Variants in CYP4X1 observed in about 807,000 individuals in gnomAD.
The protein encoded by CYP4X1 is cytochrome P450 family 4 subfamily X member 1, also known as cytochrome P450 4X1.
CYP4X1 carries 44 observed loss-of-function variants against 57.9 expected under a neutral mutation model. The ratio of observed to expected loss-of-function variants is 0.76; its 90% CI spans 0.60 to 0.98. The LOEUF (loss-of-function observed/expected upper bound fraction) is 0.98. CYP4X1 is among the 50% of genes least tolerant of loss of function. The pLI is 0.00. For missense variants in CYP4X1, 532 were observed against 623.9 expected (o/e 0.85, Z 1.57); for synonymous variants, 227 against 228.6 (o/e 0.99, Z 0.06).
At chr1:47,033,777 G>A (rs759485532) in intron 4 of CYP4X1, among the ~76,000 whole-genome samples, 3 of 152,126 alleles carry the variant, frequency 2.0e-5, no homozygotes, top group Non-Finnish European at 4.4e-5. Flanking sequence ...CAAAAACCAT[G>A]GCTGTTTCAC....
At chr1:47,048,506 A>C in intron 9 of CYP4X1, 59 bp from the exon 10 acceptor site, 2 of 1,575,510 alleles carry the variant, frequency 1.3e-6, no homozygotes, top group South Asian at 2.2e-5. Flanking sequence ...GTTTAAGAGC[A>C]CAGTAGCCCA....
At chr1:47,038,850 C>T in intron 7 of CYP4X1, 84 bp downstream of exon 7, 1 of 1,058,278 alleles carries the variant, frequency 9.4e-7, no homozygotes, top group Non-Finnish European at 1.4e-6. Context: ...GATGGGGAGA[C>T]AAGAATAAAA....
At chr1:46,966,965 G>A in the CYP4X1 span, among the ~76,000 whole-genome samples, 1 of 152,204 alleles carries the variant, frequency 6.6e-6, no homozygotes, top group Admixed American at 6.5e-5. Flanking sequence ...CTAAGGGGAT[G>A]TGTATAGATG....
At chr1:46,970,535 G>T in the CYP4X1 span, among the ~76,000 whole-genome samples, 2 of 152,126 alleles carry the variant, frequency 1.3e-5, no homozygotes, top group African/African-American at 2.4e-5. Flanking sequence ...TTACAATATT[G>T]AGTCTATGTT....
At chr1:46,994,003 C>A in the CYP4X1 span, among the ~76,000 whole-genome samples, 1 of 152,164 alleles carries the variant, frequency 6.6e-6, no homozygotes, top group Non-Finnish European at 1.5e-5. Context: ...GAAGTCCTTG[C>A]CCATGCCTAT....
chr1:46,970,482 C>A, the CYP4X1 span, among the ~76,000 whole-genome samples: 6 of 152,206 alleles, frequency 3.9e-5, no homozygotes, highest in Admixed American at 3.9e-4. Context: ...TTCCCTACTC[C>A]CATTACCATA....
the CYP4X1 span, among the ~76,000 whole-genome samples, chr1:46,964,758 T>C: frequency 1.3e-5 from 2 of 152,200 alleles, no homozygotes; most frequent in Admixed American, 1.3e-4. Context: ...CACTACTCTC[T>C]TCAAAGATGC....
intron 1 of CYP4X1, among the ~76,000 whole-genome samples, chr1:47,026,720 T>C (rs903695634): frequency 6.7e-6 from 1 of 148,856 alleles, no homozygotes; most frequent in African/African-American, 2.5e-5. Flanking sequence ...TTTTTTGTTG[T>C]TTTTTTTTGT....
intron 6 of CYP4X1, among the ~76,000 whole-genome samples, chr1:47,038,120 G>C (rs749794331): frequency 6.6e-6 from 1 of 152,068 alleles, no homozygotes; most frequent in Non-Finnish European, 1.5e-5. Context: ...AAAAGTTTTA[G>C]GTTTGCAGAA....
Position 47,023,797 on chromosome 1 carries a change from C to T in CYP4X1, c.-21C>T. ...CTCCCGCGCCCCAGGAAACCGCCGG[C>T]GTTCGGCGCTGCGCAGAGCCATGGA... On this transcript the variant is annotated 5_prime_UTR_variant, in exon 1 of 12. Transcript: ENST00000371901. The T allele has an allele frequency of 6.2e-7, 1 of 1,600,488 alleles. No homozygotes were observed. Among genetic ancestry groups the T allele is most frequent in the Non-Finnish European group, 8.5e-7 (1 of 1,171,754 alleles).
At chr1:47,025,612 T>C (rs1393754927) in intron 1 of CYP4X1, among the ~76,000 whole-genome samples, 1 of 152,208 alleles carries the variant, frequency 6.6e-6, no homozygotes, top group Non-Finnish European at 1.5e-5. Context: ...TTTTATTTCT[T>C]TTCTCATAGA....
chr1:47,030,812 C>G (rs187719075), intron 2 of CYP4X1, among the ~76,000 whole-genome samples: 1 of 152,162 alleles, frequency 6.6e-6, no homozygotes, highest in Non-Finnish European at 1.5e-5. Flanking sequence ...AAAGAAAGAG[C>G]CTTGCCCTGA....
the CYP4X1 span, among the ~76,000 whole-genome samples, chr1:46,973,484 A>T: frequency 5.1e-4 from 77 of 152,170 alleles, no homozygotes; most frequent in East Asian, 0.012. Flanking sequence ...TATTTTTTGG[A>T]ATAGCTTCAA....
In CYP4X1 at chr1:47,033,303, G is replaced by T. The variant is rs1311179643; in HGVS notation, c.427G>T (p.Gly143Ter). The T allele has an allele frequency of 6.2e-7, 1 of 1,613,750 alleles. No individual in the cohort carries two copies. Among genetic ancestry groups the T allele is most frequent in the Admixed American group, 1.7e-5 (1 of 59,966 alleles). Residue 143 changes from glycine (G) to a stop codon, truncating the protein, a stop_gained, in exon 4 of 12, where the codon GGA becomes TGA. Coordinates refer to ENST00000371901, the MANE Select transcript of CYP4X1 (RefSeq NM_178033.2). LOFTEE classifies it high-confidence loss of function. ...WFQHRRLLTP[G>*]FHFNILKAYI... Reference sequence around the variant, plus strand: ...CCAGCATCGTCGCCTACTAACTCCTGGATTCCATTTTAACATCCTGAAAGC... The same window carrying T: ...CCAGCATCGTCGCCTACTAACTCCTTGATTCCATTTTAACATCCTGAAAGC...
At chr1:47,030,371 C>T (rs907207450) in intron 2 of CYP4X1, among the ~76,000 whole-genome samples, 2 of 152,142 alleles carry the variant, frequency 1.3e-5, no homozygotes, top group Non-Finnish European at 2.9e-5. Flanking sequence ...GCCTAGCTGG[C>T]ATTACCAGAC....
Position 47,039,517 on chromosome 1 carries a change from G to A in CYP4X1, c.1058G>A (p.Gly353Glu), listed in dbSNP as rs1644222034. ...REEVRGILGD[G>E]SSITWDQLGE... Reference sequence around the variant, plus strand: ...GAGGTCAGGGGCATCCTGGGGGATGGGTCTTCTATCACTTGGTAAGATCTG... The same window carrying A: ...GAGGTCAGGGGCATCCTGGGGGATGAGTCTTCTATCACTTGGTAAGATCTG... The change falls in exon 8 of 12, where the codon GGG becomes GAG. Residue 353 changes from glycine (G) to glutamate (E), a missense_variant. Transcript: ENST00000371901. The A allele has an allele frequency of 1.2e-6, 2 of 1,606,074 alleles. No individual in the cohort carries two copies. Among genetic ancestry groups the A allele is most frequent in the Non-Finnish European group, 1.7e-6 (2 of 1,177,454 alleles).
intron 1 of CYP4X1, among the ~76,000 whole-genome samples, chr1:47,024,719 C>G (rs1279726499): frequency 6.6e-6 from 1 of 152,066 alleles, no homozygotes; most frequent in Non-Finnish European, 1.5e-5. Context: ...GGGTGCTTTA[C>G]TAGAGGCCTA....
chr1:47,022,281 G>GC (rs1185250751), upstream of CYP4X1, among the ~76,000 whole-genome samples: 1 of 128,436 alleles, frequency 7.8e-6, no homozygotes, highest in African/African-American at 3.0e-5. Context: ...CCTGGGGCCT[G>GC]TCTTTTTTTT....
the CYP4X1 span, among the ~76,000 whole-genome samples, chr1:46,997,600 A>C: frequency 2.6e-5 from 4 of 152,184 alleles, no homozygotes; most frequent in African/African-American, 9.6e-5. Flanking sequence ...TTCTTTATCC[A>C]GTCCACTGTT....
Sources: gnomAD v4.1 joint callset for allele counts (sites outside exome capture counted in the v4.1 genomes callset) on GRCh38, gnomAD v4.1.1 for gene constraint, MANE v1.5 for transcripts, NCBI Gene and HGNC (gene_info 2026-07-23, HGNC 2026-07-21) for gene names.